PAK6: variants seen among roughly 807,000 people sequenced by gnomAD.
The protein encoded by PAK6 is serine/threonine-protein kinase PAK 6.
Under a neutral mutation model 60.8 loss-of-function variants are expected in PAK6, and 33 were observed. The observed-to-expected ratio is 0.54, with a 90% confidence interval of 0.41 to 0.73. The LOEUF (loss-of-function observed/expected upper bound fraction) is 0.73. Among genes scored for constraint, PAK6 ranks in the 30% least tolerant of loss-of-function variants. The probability of loss-of-function intolerance (pLI) is 0.00; values close to 1 mark genes in which losing one functional copy is unlikely to be tolerated. For missense variants in PAK6, 845 were observed against 904.1 expected (o/e 0.93, Z 0.84); for synonymous variants, 404 against 378.5 (o/e 1.07, Z -0.78).
At chr15:40,257,546 C>T (rs560828702) in intron 3 of PAK6, among the ~76,000 whole-genome samples, 11 of 152,324 alleles carry the variant, frequency 7.2e-5, no homozygotes, top group African/African-American at 2.2e-4. Flanking sequence ...CATAACGTCT[C>T]CAAAGGCAGT....
intron 2 of PAK6, among the ~76,000 whole-genome samples, chr15:40,243,850 G>A (rs7165372): frequency 0.013 from 2,054 of 152,260 alleles, 44 homozygotes; most frequent in African/African-American, 0.047. Flanking sequence ...ATCGAGAGCC[G>A]GGCTGTGGCC....
In PAK6 at chr15:40,248,985, A is replaced by G. The variant is rs2038580305; in HGVS notation, c.-117-4193A>G. Among the ~76,000 whole-genome samples, 3 of 152,094 alleles carry G rather than the reference A, an allele frequency of 2.0e-5. No homozygotes were observed. The South Asian group carries it at 6.2e-4, about 31-fold the overall frequency. On this transcript the variant is annotated intron_variant, in intron 2 of 10. Transcript: ENST00000560346. ...TTTCTGGACTGGATAACAAAATACTATGGACTGGTGGCTTATAAACAACAG... is the reference window on the plus strand; with the variant it reads ...TTTCTGGACTGGATAACAAAATACTGTGGACTGGTGGCTTATAAACAACAG...
Position 40,242,394 on chromosome 15 carries a change from G to T in PAK6, c.-118+1713G>T, listed in dbSNP as rs576929042. 3.3e-5 allele frequency among the ~76,000 whole-genome samples: 5 copies of T among 152,366 alleles called. No individual in the cohort carries two copies. In the East Asian group the frequency reaches 9.6e-4, roughly 29 times the overall value. The stretch of plus-strand genomic sequence containing the variant: ...TGGACTGAAGCAGAAAGTCCTTCCC[G>T]TAAGATGCGCTCGTCGCCCTGAGCA... On this transcript the variant is annotated intron_variant, in intron 2 of 10. Coordinates refer to ENST00000560346, the Ensembl canonical transcript of PAK6.
chr15:40,274,020 GAGAC>G, intron 9 of PAK6, 118 bp from the exon 10 acceptor site: 1 of 1,183,980 alleles, frequency 8.4e-7, no homozygotes, highest in Non-Finnish European at 1.2e-6. Context: ...GGGGAGGAAG[GAGAC>G]AGACCCACCA....
intron 2 of PAK6, chr15:40,252,705 C>G (rs2038715870): frequency 7.7e-7 from 1 of 1,305,592 alleles, no homozygotes; most frequent in South Asian, 1.2e-5. Flanking sequence ...GGTTCCCCGG[C>G]TGCCCCGGAG....
chr15:40,256,262 G>A (rs2038831965), intron 3 of PAK6, among the ~76,000 whole-genome samples: 1 of 152,144 alleles, frequency 6.6e-6, no homozygotes, highest in Non-Finnish European at 1.5e-5. Context: ...ACTTCTGAAA[G>A]TAAAGTTTGA....
At chr15:40,276,199 A>C in exon 11 of PAK6, 1 of 1,135,672 alleles carries the variant, frequency 8.8e-7, no homozygotes, top group Non-Finnish European at 1.3e-6. Flanking sequence ...ATTCTCTCCA[A>C]AGATTGAAAT....
At chr15:40,272,328 G>A in exon 6 of PAK6, 5 of 1,613,852 alleles carry the variant, frequency 3.1e-6, no homozygotes, top group Non-Finnish European at 4.2e-6. Context: ...TCAGCCCTCT[G>A]ACCACTTCGG....
At chr15:40,240,831 G>A (rs1192004287) in intron 2 of PAK6, 150 bp downstream of exon 2, 3 of 327,868 alleles carry the variant, frequency 9.2e-6, no homozygotes, top group Non-Finnish European at 1.8e-5. Context: ...CACCCGGCCT[G>A]CCACCTTCTT....
At chr15:40,249,410 C>T (rs1034654240) in intron 2 of PAK6, among the ~76,000 whole-genome samples, 2 of 152,158 alleles carry the variant, frequency 1.3e-5, no homozygotes, top group African/African-American at 2.4e-5. Context: ...TTGTAAAATG[C>T]GAATAATAAT....
intron 3 of PAK6, among the ~76,000 whole-genome samples, chr15:40,261,036 C>T (rs964744660): frequency 4.6e-5 from 7 of 151,700 alleles, no homozygotes; most frequent in South Asian, 2.1e-4. Flanking sequence ...CTACAGGTGC[C>T]CACCACCACA....
At chr15:40,272,617 A>G (rs1243425395) in exon 6 of PAK6, 1 of 1,611,594 alleles carries the variant, frequency 6.2e-7, no homozygotes, top group Non-Finnish European at 8.5e-7. Context: ...CGAGGGCTCC[A>G]CCGGCATCGT....
intron 5 of PAK6, among the ~76,000 whole-genome samples, chr15:40,270,244 T>C (rs1240887837): frequency 1.3e-5 from 2 of 152,108 alleles, no homozygotes; most frequent in East Asian, 3.8e-4. Context: ...TATCACAGCC[T>C]CAGTCATGGC....
intron 5 of PAK6, among the ~76,000 whole-genome samples, chr15:40,269,825 C>T (rs192924246): frequency 6.6e-6 from 1 of 152,366 alleles, no homozygotes; most frequent in Non-Finnish European, 1.5e-5. Context: ...GCAGCAGCAG[C>T]AGCAGCACAG....
intron 1 of PAK6, 38 bp from the exon 2 acceptor site, chr15:40,240,560 TC>T (rs771816338): frequency 1.4e-4 from 52 of 360,046 alleles, no homozygotes; most frequent in South Asian, 9.1e-4. Context: ...GGTTTTCTTT[TC>T]CTTTTTTTTT....
intron 5 of PAK6, among the ~76,000 whole-genome samples, chr15:40,270,124 A>G (rs1287903483): frequency 6.6e-6 from 1 of 152,038 alleles, no homozygotes; most frequent in Non-Finnish European, 1.5e-5. Flanking sequence ...GCTTCCTTAG[A>G]GCCCCGAGCC....
chr15:40,263,556 C>T (rs989362286), intron 3 of PAK6, among the ~76,000 whole-genome samples: 3 of 152,214 alleles, frequency 2.0e-5, no homozygotes, highest in African/African-American at 7.2e-5. Context: ...CTCAGCACGA[C>T]CTTAGGCAAA....
At chr15:40,253,602 G>T (rs2038751626) in intron 3 of PAK6, among the ~76,000 whole-genome samples, 1 of 152,268 alleles carries the variant, frequency 6.6e-6, no homozygotes, top group Non-Finnish European at 1.5e-5. Context: ...GCGGCAGAGT[G>T]CAGGGAATTC....
At chr15:40,250,254 A>C (rs1369923899) in intron 2 of PAK6, among the ~76,000 whole-genome samples, 2 of 152,208 alleles carry the variant, frequency 1.3e-5, no homozygotes, top group Admixed American at 6.5e-5. Context: ...TGAATGGATG[A>C]TTCAGTGTGT....
Sources: allele counts gnomAD v4.1 joint callset (sites outside exome capture counted in the v4.1 genomes callset), GRCh38; gene constraint gnomAD v4.1.1; transcripts MANE v1.5; gene names NCBI Gene and HGNC (gene_info 2026-07-23, HGNC 2026-07-21).